The following GPHN variants were observed in gnomAD, a reference collection of about 807,000 sequenced individuals.
GPHN encodes the protein gephyrin.
Under a neutral mutation model 95.5 loss-of-function variants are expected in GPHN, and 17 were observed. The observed-to-expected ratio is 0.18, with a 90% confidence interval of 0.12 to 0.27. GPHN has a LOEUF of 0.27. Among genes scored for constraint, GPHN ranks in the 10% least tolerant of loss-of-function variants. The probability of loss-of-function intolerance (pLI) is 1.00; values close to 1 mark genes in which losing one functional copy is unlikely to be tolerated. For missense variants in GPHN, 660 were observed against 978.1 expected, an observed-to-expected ratio of 0.67 and a Z score of 4.34; for synonymous variants, 320 against 322.5, an observed-to-expected ratio of 0.99 and a Z score of 0.08.
intron 10 of GPHN, among the ~76,000 whole-genome samples, chr14:67,038,095 A>G (rs1182850420): frequency 3.9e-5 from 6 of 152,086 alleles, no homozygotes; most frequent in African/African-American, 9.7e-5. Context: ...AATATGGTCT[A>G]TTTATACAAT....
chr14:66,612,745 C>T (rs573641556), intron 1 of GPHN, among the ~76,000 whole-genome samples: 2 of 152,156 alleles, frequency 1.3e-5, no homozygotes, highest in East Asian at 1.9e-4. Context: ...CCTCATAGGA[C>T]GGCTTTAACT....
At chr14:67,559,320 A>G in the GPHN span, among the ~76,000 whole-genome samples, 2 of 152,288 alleles carry the variant, frequency 1.3e-5, no homozygotes, top group East Asian at 3.9e-4. Flanking sequence ...TCTACTCCTC[A>G]CTATTAACTT....
At chr14:66,611,288 A>C (rs761903781) in intron 1 of GPHN, among the ~76,000 whole-genome samples, 25 of 152,148 alleles carry the variant, frequency 1.6e-4, no homozygotes, top group Non-Finnish European at 3.4e-4. Context: ...TTGAATACAT[A>C]CAAAGCATTA....
chr14:67,130,244 G>A (rs575962437), intron 17 of GPHN, among the ~76,000 whole-genome samples: 1 of 152,166 alleles, frequency 6.6e-6, no homozygotes, highest in South Asian at 2.1e-4. Context: ...CCAATAGTTA[G>A]GTTTTAGGCC....
chr14:66,685,505 T>A (rs1206155424), intron 2 of GPHN, among the ~76,000 whole-genome samples: 1 of 152,240 alleles, frequency 6.6e-6, no homozygotes, highest in African/African-American at 2.4e-5. Context: ...TGGCCAGTGA[T>A]GATGAGCATT....
At chr14:66,688,203 A>G (rs185002838) in intron 2 of GPHN, among the ~76,000 whole-genome samples, 5 of 152,338 alleles carry the variant, frequency 3.3e-5, no homozygotes, top group Admixed American at 3.3e-4. Context: ...GTCAAAGTAG[A>G]TCAAGATATA....
At chr14:66,670,922 T>C (rs2066271525) in intron 1 of GPHN, among the ~76,000 whole-genome samples, 1 of 152,230 alleles carries the variant, frequency 6.6e-6, no homozygotes, top group African/African-American at 2.4e-5. Context: ...ATTTTTTTGA[T>C]TTATGAAATC....
chr14:66,785,145 A>G (rs2059728932), intron 3 of GPHN, among the ~76,000 whole-genome samples: 1 of 152,176 alleles, frequency 6.6e-6, no homozygotes, highest in African/African-American at 2.4e-5. Flanking sequence ...AAGCGGGTGG[A>G]TCACCTGAGG....
chr14:66,571,009 T>C (rs2060666224), intron 1 of GPHN, among the ~76,000 whole-genome samples: 1 of 152,206 alleles, frequency 6.6e-6, no homozygotes, highest in South Asian at 2.1e-4. Flanking sequence ...ATTCTGGATA[T>C]TAAGCTCATA....
intron 5 of GPHN, among the ~76,000 whole-genome samples, chr14:66,901,273 A>G (rs961513799): frequency 1.3e-5 from 2 of 151,930 alleles, no homozygotes; most frequent in Non-Finnish European, 2.9e-5. Flanking sequence ...TAGATAGTCT[A>G]GTTATTAATC....
At chr14:67,519,977 C>G in the GPHN span, among the ~76,000 whole-genome samples, 1 of 152,148 alleles carries the variant, frequency 6.6e-6, no homozygotes. Context: ...CCCACCTCGG[C>G]CCCCCAAAGT....
the GPHN span, chr14:67,562,693 A>T: frequency 6.2e-7 from 1 of 1,612,574 alleles, no homozygotes; most frequent in Non-Finnish European, 8.5e-7. Context: ...AGGCCTTCTC[A>T]GCCCTCCACC....
At chr14:67,469,538 A>G in the GPHN span, among the ~76,000 whole-genome samples, 5,633 of 137,560 alleles carry the variant, frequency 0.041, 127 homozygotes, top group Middle Eastern at 0.078. Flanking sequence ...CTCCTGCTTC[A>G]GCCTCTCAAA....
the GPHN span, among the ~76,000 whole-genome samples, chr14:67,629,112 T>C: frequency 7.9e-5 from 12 of 152,256 alleles, no homozygotes; most frequent in African/African-American, 1.2e-4. Flanking sequence ...AGCAGGAGGA[T>C]TGCTTGAGTC....
At chr14:67,350,074 A>G in the GPHN span, among the ~76,000 whole-genome samples, 1 of 152,238 alleles carries the variant, frequency 6.6e-6, no homozygotes, top group Non-Finnish European at 1.5e-5. Context: ...ATTACATAAC[A>G]TATGTAAATT....
the GPHN span, among the ~76,000 whole-genome samples, chr14:67,262,214 G>T: frequency 6.6e-6 from 1 of 152,126 alleles, no homozygotes; most frequent in Non-Finnish European, 1.5e-5. Context: ...ACAAATGTAA[G>T]ATATAAGTAT....
intron 1 of GPHN, among the ~76,000 whole-genome samples, chr14:66,625,130 C>T (rs2063471758): frequency 6.6e-6 from 1 of 152,086 alleles, no homozygotes; most frequent in African/African-American, 2.4e-5. Context: ...CACCAGGTTG[C>T]AGTGCCGTGG....
chr14:66,735,067 T>C (rs1259274965), intron 2 of GPHN, among the ~76,000 whole-genome samples: 1 of 152,152 alleles, frequency 6.6e-6, no homozygotes, highest in East Asian at 1.9e-4. Context: ...AATGCATTAT[T>C]AAAATCCATG....
chr14:67,443,517 G>A, the GPHN span, among the ~76,000 whole-genome samples: 1 of 152,056 alleles, frequency 6.6e-6, no homozygotes, highest in African/African-American at 2.4e-5. Context: ...GTCCTGTACA[G>A]TCAGAAGGAG....
Sources: allele counts gnomAD v4.1 joint callset (sites outside exome capture counted in the v4.1 genomes callset), GRCh38; gene constraint gnomAD v4.1.1; transcripts MANE v1.5; gene names NCBI Gene and HGNC (gene_info 2026-07-23, HGNC 2026-07-21).